Variants in PCDHA3 observed in about 807,000 individuals in gnomAD.
PCDHA3 encodes the protein protocadherin alpha-3.
In PCDHA3, 41 loss-of-function variants were observed where a neutral mutation model predicts 62.2. That is an observed-to-expected ratio of 0.66 (90% CI 0.51 to 0.86). The LOEUF is 0.86. Among genes scored for constraint, PCDHA3 ranks in the 40% least tolerant of loss-of-function variants. The probability of loss-of-function intolerance (pLI) is 0.00; values close to 1 mark genes in which losing one functional copy is unlikely to be tolerated. For synonymous variants in PCDHA3, 640 were observed against 555.4 expected, an observed-to-expected ratio of 1.15 and a Z score of -2.14; for missense variants, 1,304 against 1,241.2, an observed-to-expected ratio of 1.05 and a Z score of -0.76.
chr5:140,869,918 G>A, intron 1 of PCDHA3: 1 of 1,611,272 alleles, frequency 6.2e-7, no homozygotes. Context: ...CGAGACGAAG[G>A]AGTCAATGGA....
chr5:140,993,071 G>A (rs1301535845), intron 3 of PCDHA3, among the ~76,000 whole-genome samples: 9 of 152,222 alleles, frequency 5.9e-5, no homozygotes, highest in African/African-American at 2.2e-4. Flanking sequence ...TGTTCCTGCA[G>A]TCTGCAATCA....
intron 3 of PCDHA3, among the ~76,000 whole-genome samples, chr5:140,994,726 G>T (rs774837274): frequency 3.0e-4 from 45 of 151,958 alleles, no homozygotes; most frequent in Non-Finnish European, 3.7e-4. Flanking sequence ...TAAAATACTG[G>T]GTATTGCAGG....
chr5:140,980,714 G>A (rs958793243), intron 2 of PCDHA3, among the ~76,000 whole-genome samples: 7 of 151,264 alleles, frequency 4.6e-5, no homozygotes, highest in African/African-American at 9.7e-5. Context: ...GCTCCTATTC[G>A]GGTTTCAATT....
At chr5:140,851,866 C>G in intron 1 of PCDHA3, 1 of 976,572 alleles carries the variant, frequency 1.0e-6, no homozygotes, top group Non-Finnish European at 1.2e-6. Flanking sequence ...TCATACATAA[C>G]ACAAGGCAGA....
chr5:140,987,474 G>A (rs114440148), intron 3 of PCDHA3, among the ~76,000 whole-genome samples: 307 of 152,240 alleles, frequency 2.0e-3, no homozygotes, highest in African/African-American at 7.1e-3. Context: ...CTCAAGCTTG[G>A]GAGTCAGTGA....
At chr5:140,996,987 A>G (rs1554255592) in intron 3 of PCDHA3, among the ~76,000 whole-genome samples, 1 of 152,134 alleles carries the variant, frequency 6.6e-6, no homozygotes, top group African/African-American at 2.4e-5. Context: ...TGAAGCAACC[A>G]CTGTTAACAA....
At chr5:140,870,473 C>G (rs1232580918) in intron 1 of PCDHA3, 1 of 1,614,124 alleles carries the variant, frequency 6.2e-7, no homozygotes, top group Non-Finnish European at 8.5e-7. Context: ...TTCGCACAGC[C>G]CGAGTACACC....
At chr5:140,936,242 T>C (rs2090852443) in intron 1 of PCDHA3, among the ~76,000 whole-genome samples, 1 of 152,196 alleles carries the variant, frequency 6.6e-6, no homozygotes, top group African/African-American at 2.4e-5. Flanking sequence ...AAAGAAAACA[T>C]ATCCTGCTTC....
Position 140,926,837 on chromosome 5 carries a change from G to A in PCDHA3, c.2395-52112G>A, listed in dbSNP as rs1170899993. 11 of 1,513,410 alleles carry A rather than the reference G, an allele frequency of 7.3e-6. No individual in the cohort carries two copies. In the African/African-American group the frequency reaches 1.4e-4, roughly 19 times the overall value. 93.7% of individuals were successfully genotyped at this position (1,513,410 alleles called of 1,614,324 possible). ...GTGCTCTCCAGGAGTCCGGAGCATG[G>A]TCCTGGGTCACCGTTGGTGTAGCGT... On this transcript the variant is annotated intron_variant, in intron 1 of 3. Coordinates refer to ENST00000522353, the MANE Select transcript of PCDHA3 (RefSeq NM_018906.3).
chr5:140,896,432 G>C (rs2065542713), intron 1 of PCDHA3, among the ~76,000 whole-genome samples: 1 of 152,008 alleles, frequency 6.6e-6, no homozygotes, highest in African/African-American at 2.4e-5. Context: ...ATTCTGACTG[G>C]TGTGACTGCA....
intron 1 of PCDHA3, among the ~76,000 whole-genome samples, chr5:140,898,648 G>A (rs1436511217): frequency 6.6e-6 from 1 of 152,136 alleles, no homozygotes; most frequent in Non-Finnish European, 1.5e-5. Flanking sequence ...TGTTCTTTTG[G>A]CTTAGGATTG....
chr5:141,010,368 C>T lies in PCDHA3; in HGVS notation c.*431C>T, dbSNP rs368481822. ...GGTATGTGTGGCTACCGCGGGTATG[C>T]GAGTGCCAGATATTGGCTGAGACGA... On this transcript the variant is annotated 3_prime_UTR_variant, in exon 4 of 4. Coordinates refer to ENST00000522353, the MANE Select transcript of PCDHA3 (RefSeq NM_018906.3). The T allele has an allele frequency of 8.2e-6, 12 of 1,470,936 alleles. No homozygotes were observed. The East Asian group carries it at 1.7e-4, about 21-fold the overall frequency. 91.1% of individuals were successfully genotyped at this position (1,470,936 alleles called of 1,614,324 possible). A position where few individuals can be genotyped will look rare whatever the true frequency, so the allele number is the denominator to read the frequency against.
rs781892034 is a variant in PCDHA3, at chr5:140,968,314, G to A, written c.2395-10635G>A. ...TTCTGGAGAGGGAGATTCAAGGGCT[G>A]CCAGTCACCTCCTATGTCTCCATTA... On this transcript the variant is annotated intron_variant, in intron 1 of 3. Transcript: ENST00000522353. The A allele has an allele frequency of 2.5e-6, 4 of 1,613,960 alleles. No individual in the cohort carries two copies. The South Asian group carries it at 4.4e-5, about 18-fold the overall frequency.
At chr5:140,869,682 A>AGG in intron 1 of PCDHA3, 3 of 1,613,466 alleles carry the variant, frequency 1.9e-6, no homozygotes, top group Non-Finnish European at 2.5e-6. Context: ...AAAGACTGTC[A>AGG]CTTATTTTAA....
chr5:140,821,273 T>C (rs1562258687), intron 1 of PCDHA3, among the ~76,000 whole-genome samples: 1 of 152,174 alleles, frequency 6.6e-6, no homozygotes, highest in Non-Finnish European at 1.5e-5. Flanking sequence ...TTTTATCAGT[T>C]TGGAAATATA....
chr5:140,823,140 G>C (rs373077783), intron 1 of PCDHA3: 64 of 1,614,000 alleles, frequency 4.0e-5, no homozygotes, highest in Non-Finnish European at 5.3e-5. Context: ...CGGCGTTCGC[G>C]CAGCCCCAGT....
At chr5:140,841,784 G>T in intron 1 of PCDHA3, 1 of 1,613,930 alleles carries the variant, frequency 6.2e-7, no homozygotes. Flanking sequence ...GTTTCCGCTA[G>T]AGGGCGCGTC....
At position 141,010,354 on chromosome 5, in the gene PCDHA3, C is replaced by A. The variant is rs1359778786; in HGVS notation, c.*417C>A. On this transcript the variant is annotated 3_prime_UTR_variant, in exon 4 of 4. Coordinates refer to ENST00000522353, the MANE Select transcript of PCDHA3 (RefSeq NM_018906.3). ...GTTTGTGGCCACTGGGTATGTGTGG[C>A]TACCGCGGGTATGCGAGTGCCAGAT... The A allele has an allele frequency of 2.0e-6, 3 of 1,506,078 alleles. No homozygotes were observed. The highest frequency in any genetic ancestry group is 4.4e-5 in the Admixed American group (2 of 45,166). 93.3% of individuals were successfully genotyped at this position (1,506,078 alleles called of 1,614,324 possible).
At chr5:140,836,011 C>T (rs2150250556) in intron 1 of PCDHA3, 2 of 1,613,394 alleles carry the variant, frequency 1.2e-6, no homozygotes, top group East Asian at 2.2e-5. Flanking sequence ...GCGGGCGTGC[C>T]GCCTCTGGGC....
Sources: gnomAD v4.1 joint callset for allele counts (sites outside exome capture counted in the v4.1 genomes callset) on GRCh38, gnomAD v4.1.1 for gene constraint, MANE v1.5 for transcripts, NCBI Gene and HGNC (gene_info 2026-07-23, HGNC 2026-07-21) for gene names.